FAM13A: variants seen among roughly 807,000 people sequenced by gnomAD.
FAM13A encodes family with sequence similarity 13 member A.
FAM13A carries 76 observed loss-of-function variants against 129.6 expected under a neutral mutation model. That is an observed-to-expected ratio of 0.59 (90% CI 0.49 to 0.71). The LOEUF (loss-of-function observed/expected upper bound fraction) is 0.71. Ranked by LOEUF, FAM13A falls within the 30% of genes least tolerant of loss-of-function variation. The pLI is 0.00. For synonymous variants in FAM13A, 443 were observed against 449.9 expected, an observed-to-expected ratio of 0.98 and a Z score of 0.20; for missense variants, 1,108 against 1,249.3, an observed-to-expected ratio of 0.89 and a Z score of 1.70.
At chr4:88,953,638 C>T (rs1432205576) in intron 4 of FAM13A, among the ~76,000 whole-genome samples, 1 of 152,176 alleles carries the variant, frequency 6.6e-6, no homozygotes, top group Non-Finnish European at 1.5e-5. Flanking sequence ...CTTCCTCTTT[C>T]TCCCTCCTCC....
intron 5 of FAM13A, among the ~76,000 whole-genome samples, chr4:88,935,313 G>T (rs1228032969): frequency 6.6e-6 from 1 of 152,154 alleles, no homozygotes; most frequent in Non-Finnish European, 1.5e-5. Context: ...GAATATATAA[G>T]AAACTTCATT....
chr4:88,838,843 T>C (rs777337881), intron 7 of FAM13A, among the ~76,000 whole-genome samples: 3 of 152,348 alleles, frequency 2.0e-5, no homozygotes, highest in Non-Finnish European at 4.4e-5. Context: ...TTTCCTTCTA[T>C]GCTCATAAAC....
rs547301748 is a variant in FAM13A, at chr4:88,769,367, A to G, written c.1459-1308T>C. Reference sequence around the variant, plus strand: ...GAAACAAAGGGAGATAATATAACATAGTAGTTATGACAGTGGCTCTGAATC... The same window carrying G: ...GAAACAAAGGGAGATAATATAACATGGTAGTTATGACAGTGGCTCTGAATC... On this transcript the variant is annotated intron_variant, in intron 11 of 23. Transcript: ENST00000264344. Among the ~76,000 whole-genome samples the G allele has an allele frequency of 3.1e-3, 468 of 152,346 alleles. 2 individuals carry two copies. Among genetic ancestry groups the G allele is most frequent in the African/African-American group, 0.011 (450 of 41,572 alleles).
At chr4:88,757,471 T>C (rs1383561510) in intron 14 of FAM13A, among the ~76,000 whole-genome samples, 1 of 152,134 alleles carries the variant, frequency 6.6e-6, no homozygotes, top group African/African-American at 2.4e-5. Flanking sequence ...TTGTTTTTAA[T>C]ATATGAATTA....
intron 4 of FAM13A, among the ~76,000 whole-genome samples, chr4:88,947,084 C>A (rs1400747859): frequency 6.6e-6 from 1 of 152,086 alleles, no homozygotes; most frequent in African/African-American, 2.4e-5. Flanking sequence ...AGCACCTGCA[C>A]GAGGCCCAAG....
chr4:89,029,770 AC>A (rs1011406802), intron 1 of FAM13A, 121 bp from the exon 2 acceptor site: 2 of 810,686 alleles, frequency 2.5e-6, no homozygotes, highest in African/African-American at 1.7e-5. Flanking sequence ...TCTTATTTTT[AC>A]TTCAACTCAA....
chr4:88,875,457 C>T (rs1742234072), intron 6 of FAM13A, among the ~76,000 whole-genome samples: 1 of 152,144 alleles, frequency 6.6e-6, no homozygotes, highest in African/African-American at 2.4e-5. Context: ...ATAAATCAAA[C>T]AACCCCATCA....
intron 14 of FAM13A, among the ~76,000 whole-genome samples, chr4:88,757,803 A>C (rs1743980901): frequency 6.6e-6 from 1 of 152,202 alleles, no homozygotes; most frequent in Non-Finnish European, 1.5e-5. Context: ...TAAGGTCATT[A>C]AGATAACTTC....
At chr4:88,886,927 T>C (rs777215594) in intron 6 of FAM13A, among the ~76,000 whole-genome samples, 6 of 150,430 alleles carry the variant, frequency 4.0e-5, no homozygotes, top group Non-Finnish European at 8.9e-5. Context: ...AAGAAAGAAA[T>C]TATGATATAT....
chr4:88,934,253 A>AG (rs1753504218), intron 5 of FAM13A, among the ~76,000 whole-genome samples: 1 of 152,198 alleles, frequency 6.6e-6, no homozygotes, highest in African/African-American at 2.4e-5. Flanking sequence ...ACCATCTGAC[A>AG]TACTACATAT....
At chr4:88,753,424 GT>G (rs964014718) in intron 14 of FAM13A, among the ~76,000 whole-genome samples, 1 of 152,128 alleles carries the variant, frequency 6.6e-6, no homozygotes, top group African/African-American at 2.4e-5. Context: ...GTCTCCCATG[GT>G]ATACACGAAA....
At chr4:88,981,104 T>G (rs1363599431) in intron 4 of FAM13A, among the ~76,000 whole-genome samples, 2 of 152,094 alleles carry the variant, frequency 1.3e-5, no homozygotes, top group Admixed American at 1.3e-4. Flanking sequence ...TGGTTAGTAC[T>G]GAAACACTTG....
chr4:88,973,455 T>C (rs1483643425), intron 4 of FAM13A, among the ~76,000 whole-genome samples: 1 of 152,202 alleles, frequency 6.6e-6, no homozygotes, highest in Non-Finnish European at 1.5e-5. Context: ...TTTAAATGCA[T>C]TCTTCATTTC....
At chr4:88,951,473 A>G (rs1013763155) in intron 4 of FAM13A, among the ~76,000 whole-genome samples, 12 of 152,230 alleles carry the variant, frequency 7.9e-5, no homozygotes, top group African/African-American at 2.9e-4. Context: ...TGGTTAAAAG[A>G]GAATATAAGT....
chr4:88,888,964 G>A lies in FAM13A; in HGVS notation c.843+17415C>T, dbSNP rs369615257. ...AAAAAAAAAAAAAAAAAAATTCCTC[G>A]AGTCACCAGACTTTCATGAACAGTA... On this transcript the variant is annotated intron_variant, in intron 6 of 23. Transcript: ENST00000264344. 1.9e-4 allele frequency among the ~76,000 whole-genome samples: 29 copies of A among 149,870 alleles called. 1 individual carries two copies. Among genetic ancestry groups the A allele is most frequent in the African/African-American group, 6.9e-4 (28 of 40,852 alleles).
At chr4:88,754,514 C>G (rs1295144211) in intron 14 of FAM13A, among the ~76,000 whole-genome samples, 1 of 152,152 alleles carries the variant, frequency 6.6e-6, no homozygotes, top group Non-Finnish European at 1.5e-5. Flanking sequence ...TTTCCACATT[C>G]CCTTTCCAAC....
intron 3 of FAM13A, among the ~76,000 whole-genome samples, chr4:89,011,235 T>A (rs1218309901): frequency 2.0e-5 from 3 of 152,166 alleles, no homozygotes; most frequent in Non-Finnish European, 2.9e-5. Flanking sequence ...AATCCCATGA[T>A]GAGTTTCTTT....
intron 3 of FAM13A, among the ~76,000 whole-genome samples, chr4:88,991,398 A>C (rs1290133016): frequency 6.6e-6 from 1 of 152,174 alleles, no homozygotes; most frequent in Non-Finnish European, 1.5e-5. Context: ...AGATTGCGCC[A>C]CTGCACTCCA....
At chr4:88,901,723 C>T (rs561268431) in intron 6 of FAM13A, among the ~76,000 whole-genome samples, 18 of 151,846 alleles carry the variant, frequency 1.2e-4, no homozygotes, top group African/African-American at 4.1e-4. Flanking sequence ...AACCCCAAAG[C>T]GAGCAGAAGA....
Sources: gnomAD v4.1 joint callset for allele counts (sites outside exome capture counted in the v4.1 genomes callset) on GRCh38, gnomAD v4.1.1 for gene constraint, MANE v1.5 for transcripts, NCBI Gene and HGNC (gene_info 2026-07-23, HGNC 2026-07-21) for gene names.